CNTNAP5: variants seen among roughly 807,000 people sequenced by gnomAD.
The protein encoded by CNTNAP5 is contactin associated protein family member 5.
In CNTNAP5, 72 loss-of-function variants were observed where a neutral mutation model predicts 150.2. The ratio of observed to expected loss-of-function variants is 0.48; its 90% CI spans 0.40 to 0.58. CNTNAP5 has a LOEUF of 0.58. CNTNAP5 is among the 20% of genes least tolerant of loss of function. The pLI is 0.00. For missense variants in CNTNAP5, 1,636 were observed against 1,626.2 expected (o/e 1.01, Z -0.10); for synonymous variants, 672 against 619.8 (o/e 1.08, Z -1.25).
intron 3 of CNTNAP5, among the ~76,000 whole-genome samples, chr2:124,297,855 A>T (rs111271253): frequency 7.8e-6 from 1 of 128,988 alleles, no homozygotes; most frequent in African/African-American, 3.0e-5. Flanking sequence ...TATTATTATT[A>T]TTATTTTGAA....
intron 1 of CNTNAP5, among the ~76,000 whole-genome samples, chr2:124,159,527 A>G (rs1474637553): frequency 1.3e-5 from 2 of 152,200 alleles, no homozygotes; most frequent in African/African-American, 2.4e-5. Context: ...GAAAAGATCA[A>G]TTTGAACACT....
intron 10 of CNTNAP5, 131 bp from the exon 11 acceptor site, chr2:124,563,086 C>T (rs1020061531): frequency 1.8e-5 from 11 of 628,430 alleles, no homozygotes; most frequent in Non-Finnish European, 3.2e-5. Flanking sequence ...TTCAATCTGC[C>T]TTAGGTATGG....
chr2:124,870,144 T>C (rs1270309044), intron 21 of CNTNAP5, among the ~76,000 whole-genome samples: 1 of 151,960 alleles, frequency 6.6e-6, no homozygotes, highest in African/African-American at 2.4e-5. Flanking sequence ...TTTCCTATTA[T>C]AATAGTGAAT....
intron 1 of CNTNAP5, among the ~76,000 whole-genome samples, chr2:124,163,462 G>C (rs1403514149): frequency 6.6e-6 from 1 of 152,152 alleles, no homozygotes; most frequent in Non-Finnish European, 1.5e-5. Flanking sequence ...ATGCTTTGAG[G>C]AGTCAGGCAT....
chr2:124,416,156 G>T (rs1691912602), intron 3 of CNTNAP5, among the ~76,000 whole-genome samples: 1 of 152,018 alleles, frequency 6.6e-6, no homozygotes, highest in African/African-American at 2.4e-5. Context: ...GTAGATAAAA[G>T]AACTTCAGAG....
rs533080854 is a variant in CNTNAP5, at chr2:124,623,429, A to G, written c.1876+13509A>G. Among the ~76,000 whole-genome samples the G allele has an allele frequency of 8.0e-4, 122 of 152,314 alleles. 1 individual carries two copies. The highest frequency in any genetic ancestry group is 7.9e-3 in the Admixed American group (121 of 15,296). Reference sequence around the variant, plus strand: ...AATCTTTATAAGTTTATATGCATCAATGAAAACTCTTAGAACAGTGCCCAT... The same window carrying G: ...AATCTTTATAAGTTTATATGCATCAGTGAAAACTCTTAGAACAGTGCCCAT... On this transcript the variant is annotated intron_variant, in intron 12 of 23. Transcript: ENST00000682447.
intron 1 of CNTNAP5, among the ~76,000 whole-genome samples, chr2:124,172,711 G>A (rs1684962249): frequency 1.3e-5 from 2 of 151,960 alleles, no homozygotes; most frequent in Admixed American, 6.6e-5. Flanking sequence ...ATGGCACCCG[G>A]CAGTATCATG....
intron 1 of CNTNAP5, among the ~76,000 whole-genome samples, chr2:124,030,495 A>G (rs1272862286): frequency 6.6e-6 from 1 of 152,134 alleles, no homozygotes; most frequent in African/African-American, 2.4e-5. Flanking sequence ...TCTTTGCAAG[A>G]TATGAAACTT....
chr2:124,732,815 G>A (rs1447034140), intron 13 of CNTNAP5, among the ~76,000 whole-genome samples: 2 of 152,060 alleles, frequency 1.3e-5, no homozygotes, highest in African/African-American at 4.8e-5. Flanking sequence ...AGAAAATACC[G>A]AGTTCCTTAC....
intron 13 of CNTNAP5, among the ~76,000 whole-genome samples, chr2:124,694,242 T>G (rs1163589751): frequency 6.6e-6 from 1 of 152,310 alleles, no homozygotes; most frequent in African/African-American, 2.4e-5. Context: ...TTTTGTCTTA[T>G]TTTTAAACTC....
intron 13 of CNTNAP5, among the ~76,000 whole-genome samples, chr2:124,698,406 A>T (rs1225592218): frequency 7.0e-6 from 1 of 143,636 alleles, no homozygotes; most frequent in Non-Finnish European, 1.5e-5. Flanking sequence ...ACACACACAC[A>T]CGTTTGCTTA....
At chr2:124,487,505 T>A (rs565401269) in intron 7 of CNTNAP5, among the ~76,000 whole-genome samples, 2 of 152,236 alleles carry the variant, frequency 1.3e-5, no homozygotes, top group East Asian at 3.9e-4. Context: ...AAGGACAGTA[T>A]GTTTGTGCAG....
At chr2:124,329,842 G>A (rs1689305519) in intron 3 of CNTNAP5, among the ~76,000 whole-genome samples, 2 of 152,120 alleles carry the variant, frequency 1.3e-5, no homozygotes, top group South Asian at 4.2e-4. Context: ...AAAAACAATG[G>A]TTAATGTTTG....
chr2:124,814,615 T>C (rs1378540586), intron 19 of CNTNAP5, among the ~76,000 whole-genome samples: 1 of 151,910 alleles, frequency 6.6e-6, no homozygotes, highest in African/African-American at 2.4e-5. Context: ...TACAAGCATA[T>C]ACTAATGGTT....
intron 3 of CNTNAP5, among the ~76,000 whole-genome samples, chr2:124,322,694 A>T (rs1689128003): frequency 6.6e-6 from 1 of 152,164 alleles, no homozygotes; most frequent in South Asian, 2.1e-4. Flanking sequence ...ATGGCATATT[A>T]TTAGCTGCTT....
chr2:124,512,276 T>C (rs984521135), intron 8 of CNTNAP5, among the ~76,000 whole-genome samples: 3 of 151,950 alleles, frequency 2.0e-5, no homozygotes, highest in Non-Finnish European at 2.9e-5. Context: ...ACTGCCCTGA[T>C]GTCACCAGAG....
At chr2:124,134,460 A>G (rs1683929963) in intron 1 of CNTNAP5, among the ~76,000 whole-genome samples, 1 of 152,176 alleles carries the variant, frequency 6.6e-6, no homozygotes, top group African/African-American at 2.4e-5. Context: ...TAGTTTGGAA[A>G]CAACATTCTA....
intron 12 of CNTNAP5, 126 bp from the exon 13 acceptor site, chr2:124,647,632 T>G: frequency 2.5e-6 from 2 of 789,674 alleles, no homozygotes; most frequent in Non-Finnish European, 3.9e-6. Flanking sequence ...TTCTCTGTCC[T>G]ACTCTCCATA....
Position 124,383,736 on chromosome 2 carries a change from G to T in CNTNAP5, c.382-33707G>T, listed in dbSNP as rs1452089539. ...ACTAGCAGAGTTCCTACCATGATTG[G>T]CACTCCATGAATCATAACTCTCGGG... On this transcript the variant is annotated intron_variant, in intron 3 of 23. Transcript: ENST00000682447. Among the ~76,000 whole-genome samples, 5 of 152,236 alleles carry T rather than the reference G, an allele frequency of 3.3e-5. No individual in the cohort carries two copies. The South Asian group carries it at 6.2e-4, about 19-fold the overall frequency.
Sources: allele counts gnomAD v4.1 joint callset (sites outside exome capture counted in the v4.1 genomes callset), GRCh38; gene constraint gnomAD v4.1.1; transcripts MANE v1.5; gene names NCBI Gene and HGNC (gene_info 2026-07-23, HGNC 2026-07-21).